SLC4A4: variants seen among roughly 807,000 people sequenced by gnomAD.
SLC4A4 encodes the protein solute carrier family 4 member 4, also known as electrogenic sodium bicarbonate cotransporter 1.
In SLC4A4, 27 loss-of-function variants were observed where a neutral mutation model predicts 111.5. The ratio of observed to expected loss-of-function variants is 0.24; its 90% CI spans 0.18 to 0.33. SLC4A4 has a LOEUF of 0.33. SLC4A4 is among the 10% of genes least tolerant of loss of function. The probability of loss-of-function intolerance (pLI) is 1.00; values close to 1 mark genes in which losing one functional copy is unlikely to be tolerated. For missense variants in SLC4A4, 909 were observed against 1,315.5 expected, an observed-to-expected ratio of 0.69 and a Z score of 4.78; for synonymous variants, 443 against 463.4, an observed-to-expected ratio of 0.96 and a Z score of 0.57.
chr4:71,254,617 G>C (rs759758951), intron 2 of SLC4A4, among the ~76,000 whole-genome samples: 18 of 151,026 alleles, frequency 1.2e-4, no homozygotes, highest in Non-Finnish European at 2.1e-4. Context: ...TTCTCAGTTT[G>C]TCCCAGTTCT....
chr4:71,318,370 G>A (rs911037896), intron 3 of SLC4A4, among the ~76,000 whole-genome samples: 2 of 151,948 alleles, frequency 1.3e-5, no homozygotes, highest in Non-Finnish European at 2.9e-5. Flanking sequence ...TGTCATTCAC[G>A]GCAGGACATA....
At chr4:71,316,278 T>G (rs1726669127) in intron 3 of SLC4A4, among the ~76,000 whole-genome samples, 1 of 152,154 alleles carries the variant, frequency 6.6e-6, no homozygotes, top group African/African-American at 2.4e-5. Context: ...TTTGAAAAAG[T>G]CTTGCTGCGC....
At chr4:71,446,855 C>A (rs1725278660) in intron 8 of SLC4A4, among the ~76,000 whole-genome samples, 1 of 152,176 alleles carries the variant, frequency 6.6e-6, no homozygotes, top group African/African-American at 2.4e-5. Flanking sequence ...TCCCCGCATC[C>A]ACAGTGCCAA....
chr4:71,545,175 G>C (rs1454014076), intron 18 of SLC4A4, among the ~76,000 whole-genome samples: 1 of 151,980 alleles, frequency 6.6e-6, no homozygotes, highest in South Asian at 2.1e-4. Flanking sequence ...TGGACTAGGT[G>C]AATACATGCT....
At chr4:71,284,384 C>T (rs566667090) in intron 3 of SLC4A4, among the ~76,000 whole-genome samples, 21 of 152,192 alleles carry the variant, frequency 1.4e-4, no homozygotes, top group Non-Finnish European at 2.5e-4. Context: ...CATGGTGGTC[C>T]GTTCCATGTG....
chr4:71,130,346 C>T (rs897663287), intron 2 of SLC4A4, among the ~76,000 whole-genome samples: 1 of 152,150 alleles, frequency 6.6e-6, no homozygotes, highest in East Asian at 1.9e-4. Context: ...TCTACCACCT[C>T]AGCCTCCTGA....
intron 6 of SLC4A4, among the ~76,000 whole-genome samples, chr4:71,365,575 A>G (rs768899036): frequency 6.6e-6 from 1 of 152,168 alleles, no homozygotes; most frequent in Admixed American, 6.5e-5. Flanking sequence ...ATGACTAAGC[A>G]TGCCTCATTC....
chr4:71,425,820 A>C (rs1049289050), intron 7 of SLC4A4, among the ~76,000 whole-genome samples: 1 of 152,078 alleles, frequency 6.6e-6, no homozygotes, highest in Non-Finnish European at 1.5e-5. Flanking sequence ...GTTGAGATAA[A>C]GGGTTGTGGA....
intron 3 of SLC4A4, among the ~76,000 whole-genome samples, chr4:71,262,907 C>T (rs752676109): frequency 1.4e-4 from 21 of 151,622 alleles, no homozygotes; most frequent in Non-Finnish European, 2.4e-4. Flanking sequence ...TACATGTGAA[C>T]AACGTGTAGG....
chr4:71,079,702 G>A (rs986793086), intron 1 of SLC4A4, among the ~76,000 whole-genome samples: 6 of 151,792 alleles, frequency 4.0e-5, no homozygotes, highest in African/African-American at 1.5e-4. Flanking sequence ...CTTGAGCCTG[G>A]GAGGTCAAGG....
chr4:71,167,082 G>T lies in SLC4A4; in HGVS notation c.-1-69494G>T, dbSNP rs1744796651. Among the ~76,000 whole-genome samples, 4 of 152,252 alleles carry T rather than the reference G, an allele frequency of 2.6e-5. No individual in the cohort carries two copies. The South Asian group carries it at 8.3e-4, about 32-fold the overall frequency. ...AAATGGCTTGCTTATTCTTCATAGT[G>T]GTTAGGATTCCAGCTGAAGAGATTT... On this transcript the variant is annotated intron_variant, in intron 2 of 26. Coordinates refer to the SLC4A4 transcript ENST00000649996.
intron 7 of SLC4A4, among the ~76,000 whole-genome samples, chr4:71,416,999 G>A (rs1182864891): frequency 6.6e-6 from 1 of 152,102 alleles, no homozygotes; most frequent in South Asian, 2.1e-4. Context: ...TCTTACTAGC[G>A]ACCTTTCTGA....
Position 71,145,408 on chromosome 4 carries a change from C to CT in SLC4A4, c.-2+52623dup, listed in dbSNP as rs1398618488. Among the ~76,000 whole-genome samples the CT allele has an allele frequency of 6.6e-5, 10 of 152,242 alleles. 1 individual carries two copies. The East Asian group carries it at 9.7e-4, about 15-fold the overall frequency. On this transcript the variant is annotated intron_variant, in intron 2 of 26. Coordinates refer to the SLC4A4 transcript ENST00000649996. ...ATCAAGGATATTGGTCTAAAATTCT[C>CT]TTTTTTTGTTGTGTCTCTGCCAGGC...
chr4:71,532,428 T>A (rs1227598194), intron 17 of SLC4A4, among the ~76,000 whole-genome samples: 1 of 152,154 alleles, frequency 6.6e-6, no homozygotes, highest in Non-Finnish European at 1.5e-5. Flanking sequence ...TTAGAATAAA[T>A]ATCCAAAATA....
intron 2 of SLC4A4, among the ~76,000 whole-genome samples, chr4:71,106,935 A>C (rs1478203737): frequency 1.3e-5 from 2 of 151,432 alleles, no homozygotes; most frequent in Admixed American, 6.6e-5. Context: ...AAAATAAATA[A>C]ATAAATAAAT....
At chr4:71,509,887 A>G (rs769894358) in intron 16 of SLC4A4, among the ~76,000 whole-genome samples, 12 of 152,158 alleles carry the variant, frequency 7.9e-5, no homozygotes, top group Admixed American at 2.0e-4. Context: ...CTGTGTAAAC[A>G]TGGTGAAATG....
At chr4:71,303,253 A>G (rs1300049161) in intron 3 of SLC4A4, among the ~76,000 whole-genome samples, 1 of 152,246 alleles carries the variant, frequency 6.6e-6, no homozygotes, top group African/African-American at 2.4e-5. Flanking sequence ...TTGATTACTC[A>G]TGTAATGCTT....
chr4:71,208,313 C>T (rs1224886573), intron 1 of SLC4A4, among the ~76,000 whole-genome samples: 4 of 151,988 alleles, frequency 2.6e-5, no homozygotes, highest in East Asian at 1.9e-4. Context: ...CACCTGTAGT[C>T]CCAGCTACTC....
At chr4:71,065,906 G>T (rs910462385) in intron 1 of SLC4A4, among the ~76,000 whole-genome samples, 2 of 151,944 alleles carry the variant, frequency 1.3e-5, no homozygotes, top group African/African-American at 2.4e-5. Context: ...TATTGTAATT[G>T]CCTATTTATT....
Sources: gnomAD v4.1 joint callset for allele counts (sites outside exome capture counted in the v4.1 genomes callset) on GRCh38, gnomAD v4.1.1 for gene constraint, MANE v1.5 for transcripts, NCBI Gene and HGNC (gene_info 2026-07-23, HGNC 2026-07-21) for gene names.